KIAA0825: variants seen among roughly 807,000 people sequenced by gnomAD.
The protein encoded by KIAA0825 is uncharacterized protein KIAA0825.
A neutral mutation model predicts 147.6 loss-of-function variants in KIAA0825; 119 were observed. The observed-to-expected ratio is 0.81, with a 90% CI of 0.69 to 0.94. KIAA0825 has a LOEUF of 0.94. Among genes scored for constraint, KIAA0825 ranks in the 40% least tolerant of loss-of-function variants. KIAA0825 has a pLI of 0.00. For synonymous variants in KIAA0825, 470 were observed against 518.1 expected, an observed-to-expected ratio of 0.91 and a Z score of 1.26; for missense variants, 1,381 against 1,472.7, an observed-to-expected ratio of 0.94 and a Z score of 1.02.
At chr5:94,296,578 G>A (rs980290971) in intron 20 of KIAA0825, among the ~76,000 whole-genome samples, 2 of 152,284 alleles carry the variant, frequency 1.3e-5, no homozygotes, top group African/African-American at 2.4e-5. Context: ...CAAAGATGAT[G>A]GGAAAAGCAT....
intron 13 of KIAA0825, among the ~76,000 whole-genome samples, chr5:94,448,465 G>T (rs1437827851): frequency 2.6e-5 from 4 of 151,676 alleles, no homozygotes; most frequent in African/African-American, 9.7e-5. Flanking sequence ...TTCCTTCTCA[G>T]CCACTTTTAA....
At chr5:94,392,090 A>G (rs569684781) in intron 17 of KIAA0825, among the ~76,000 whole-genome samples, 1 of 152,342 alleles carries the variant, frequency 6.6e-6, no homozygotes, top group South Asian at 2.1e-4. Flanking sequence ...TGCCTGAAAT[A>G]GCTTTGGTAT....
rs190997766 is a variant in KIAA0825 at position 94,239,964 on chromosome 5, G to A, written c.3711-85840C>T. Among the ~76,000 whole-genome samples the A allele has an allele frequency of 3.1e-3, 474 of 152,208 alleles. 1 individual carries two copies. Among genetic ancestry groups the A allele is most frequent in the Non-Finnish European group, 4.4e-3 (298 of 67,998 alleles). On this transcript the variant is annotated intron_variant, in intron 20 of 20. Transcript: ENST00000682413. Reference sequence around the variant, plus strand: ...AGTGATGATATAAAGGATAATTTACGCTTGCAATGCATTTTTGTCCAATTA... The same window carrying A: ...AGTGATGATATAAAGGATAATTTACACTTGCAATGCATTTTTGTCCAATTA...
intron 5 of KIAA0825, among the ~76,000 whole-genome samples, chr5:94,493,808 C>T (rs986377111): frequency 6.6e-6 from 1 of 151,938 alleles, no homozygotes; most frequent in Non-Finnish European, 1.5e-5. Flanking sequence ...TTTTTTATAC[C>T]TTCTTTCTCT....
At chr5:94,326,140 C>A (rs1376664513) in intron 20 of KIAA0825, among the ~76,000 whole-genome samples, 1 of 152,032 alleles carries the variant, frequency 6.6e-6, no homozygotes, top group Non-Finnish European at 1.5e-5. Flanking sequence ...TTGAAAAACA[C>A]TATATTTTCT....
At chr5:94,200,398 T>C (rs775873702) in intron 20 of KIAA0825, among the ~76,000 whole-genome samples, 3 of 152,158 alleles carry the variant, frequency 2.0e-5, no homozygotes, top group African/African-American at 7.2e-5. Context: ...CTATCCACTC[T>C]CAATGCCTGC....
chr5:94,200,993 G>A (rs1583831261), intron 20 of KIAA0825, among the ~76,000 whole-genome samples: 1 of 115,298 alleles, frequency 8.7e-6, no homozygotes, highest in East Asian at 2.5e-4. Context: ...ATGTATATCA[G>A]GACCTTAAGT....
intron 2 of KIAA0825, among the ~76,000 whole-genome samples, chr5:94,575,361 G>GA (rs781292218): frequency 1.0e-3 from 141 of 140,592 alleles, no homozygotes; most frequent in Middle Eastern, 3.7e-3. Flanking sequence ...GGCCATGACG[G>GA]AAAAAAAAAA....
At chr5:94,610,894 C>T (rs980559323) in intron 1 of KIAA0825, among the ~76,000 whole-genome samples, 11 of 149,514 alleles carry the variant, frequency 7.4e-5, no homozygotes, top group Admixed American at 6.7e-4. Flanking sequence ...ATCAGTATAA[C>T]GCTCTTCAAA....
At chr5:94,341,394 C>A (rs1782361580) in intron 20 of KIAA0825, among the ~76,000 whole-genome samples, 1 of 152,178 alleles carries the variant, frequency 6.6e-6, no homozygotes, top group Non-Finnish European at 1.5e-5. Flanking sequence ...AATTAGCTAC[C>A]CAGCATCATC....
At chr5:94,281,198 A>ACAC (rs1777447048) in intron 20 of KIAA0825, among the ~76,000 whole-genome samples, 1 of 145,024 alleles carries the variant, frequency 6.9e-6, no homozygotes, top group African/African-American at 2.6e-5. Flanking sequence ...TAAGTGATTT[A>ACAC]ACACACACAC....
intron 20 of KIAA0825, among the ~76,000 whole-genome samples, chr5:94,312,658 C>T (rs1041624622): frequency 6.6e-6 from 1 of 151,714 alleles, no homozygotes; most frequent in East Asian, 1.9e-4. Context: ...CATGTTTTGT[C>T]AATGATCTGC....
At chr5:94,464,191 G>A (rs193121637) in intron 11 of KIAA0825, among the ~76,000 whole-genome samples, 1 of 151,564 alleles carries the variant, frequency 6.6e-6, no homozygotes. Flanking sequence ...AAAACAAAAG[G>A]CTTTTCTTCA....
At chr5:94,240,604 A>G (rs1775296844) in intron 20 of KIAA0825, among the ~76,000 whole-genome samples, 1 of 152,210 alleles carries the variant, frequency 6.6e-6, no homozygotes, top group African/African-American at 2.4e-5. Flanking sequence ...TCAATTACCC[A>G]TCAGTCTTCT....
intron 20 of KIAA0825, among the ~76,000 whole-genome samples, chr5:94,213,605 A>G (rs1446588534): frequency 1.3e-5 from 2 of 152,132 alleles, no homozygotes; most frequent in African/African-American, 4.8e-5. Context: ...TCTTTTATCT[A>G]CTTAGCCCTT....
intron 20 of KIAA0825, among the ~76,000 whole-genome samples, chr5:94,209,542 A>G (rs954671456): frequency 9.9e-5 from 15 of 152,180 alleles, no homozygotes; most frequent in African/African-American, 3.6e-4. Flanking sequence ...TTAAGTTGAA[A>G]AGGGTTGTGC....
At chr5:94,289,535 GAA>G (rs540467740) in intron 20 of KIAA0825, among the ~76,000 whole-genome samples, 12 of 100,718 alleles carry the variant, frequency 1.2e-4, no homozygotes, top group African/African-American at 3.2e-4. Context: ...ACTCCATCTG[GAA>G]AAAAAAAAAA....
At chr5:94,495,626 C>T (rs540992613) in intron 5 of KIAA0825, among the ~76,000 whole-genome samples, 16 of 152,124 alleles carry the variant, frequency 1.1e-4, no homozygotes, top group Non-Finnish European at 2.2e-4. Context: ...TGTGGCCATC[C>T]GAGGCTCATG....
At chr5:94,308,880 T>C (rs1031371363) in intron 20 of KIAA0825, among the ~76,000 whole-genome samples, 5 of 151,758 alleles carry the variant, frequency 3.3e-5, no homozygotes, top group Non-Finnish European at 7.4e-5. Flanking sequence ...GATCATTCCA[T>C]TGAAATTGGA....
Sources: gnomAD v4.1 joint callset for allele counts (sites outside exome capture counted in the v4.1 genomes callset) on GRCh38, gnomAD v4.1.1 for gene constraint, MANE v1.5 for transcripts, NCBI Gene and HGNC (gene_info 2026-07-23, HGNC 2026-07-21) for gene names.